The following MGAT4C variants were observed in gnomAD, a reference collection of about 807,000 sequenced individuals.
MGAT4C encodes the protein alpha-1,3-mannosyl-glycoprotein 4-beta-N-acetylglucosaminyltransferase C.
A neutral mutation model predicts 40.1 loss-of-function variants in MGAT4C; 19 were observed. The ratio of observed to expected loss-of-function variants is 0.47; its 90% CI spans 0.33 to 0.70. MGAT4C has a LOEUF of 0.70. MGAT4C is among the 30% of genes least tolerant of loss of function. MGAT4C has a pLI of 0.02. For synonymous variants in MGAT4C, 181 were observed against 187.1 expected, an observed-to-expected ratio of 0.97 and a Z score of 0.27; for missense variants, 491 against 563.2, an observed-to-expected ratio of 0.87 and a Z score of 1.30.
intron 1 of MGAT4C, among the ~76,000 whole-genome samples, chr12:86,222,838 C>A (rs1041028196): frequency 6.6e-6 from 1 of 152,128 alleles, no homozygotes; most frequent in African/African-American, 2.4e-5. Flanking sequence ...AGAAGAGAAG[C>A]AAGTCGATTG....
chr12:86,665,165 C>T (rs2136554684), intron 2 of MGAT4C, among the ~76,000 whole-genome samples: 1 of 151,802 alleles, frequency 6.6e-6, no homozygotes, highest in Non-Finnish European at 1.5e-5. Context: ...GCGAAGTTAA[C>T]AATAGGATCA....
chr12:86,298,457 T>C (rs1370722339), intron 4 of MGAT4C, among the ~76,000 whole-genome samples: 1 of 152,172 alleles, frequency 6.6e-6, no homozygotes, highest in African/African-American at 2.4e-5. Context: ...GCAACTTTTA[T>C]ATGTTCATAA....
intron 1 of MGAT4C, among the ~76,000 whole-genome samples, chr12:86,777,484 G>A (rs951932441): frequency 2.2e-4 from 34 of 152,228 alleles, no homozygotes; most frequent in Admixed American, 1.8e-3. Flanking sequence ...GTGTCCTGGC[G>A]TGGTCTCTGT....
intron 3 of MGAT4C, among the ~76,000 whole-genome samples, chr12:86,420,025 GT>G (rs1458777924): frequency 6.7e-6 from 1 of 149,970 alleles, no homozygotes; most frequent in African/African-American, 2.5e-5. Context: ...TTTTTTAAAA[GT>G]TAACCATTTT....
chr12:86,488,209 G>A (rs1436158420), intron 2 of MGAT4C, among the ~76,000 whole-genome samples: 1 of 149,708 alleles, frequency 6.7e-6, no homozygotes, highest in African/African-American at 2.5e-5. Context: ...TTGCCCAGGA[G>A]TTTGAGATCA....
At chr12:86,500,073 C>T (rs1465250281) in intron 2 of MGAT4C, among the ~76,000 whole-genome samples, 2 of 151,286 alleles carry the variant, frequency 1.3e-5, no homozygotes, top group Non-Finnish European at 2.9e-5. Context: ...TTACAGCCTT[C>T]AATGCATCGG....
intron 2 of MGAT4C, among the ~76,000 whole-genome samples, chr12:86,629,258 C>A (rs1204040433): frequency 6.6e-6 from 1 of 152,080 alleles, no homozygotes; most frequent in Admixed American, 6.6e-5. Flanking sequence ...ATAAAGCAGT[C>A]CTTAGAGACC....
chr12:86,134,067 A>C (rs1881613650), intron 1 of MGAT4C, among the ~76,000 whole-genome samples: 1 of 152,092 alleles, frequency 6.6e-6, no homozygotes, highest in Admixed American at 6.5e-5. Flanking sequence ...GCATATAATT[A>C]ATCACATTAT....
At chr12:86,838,430 G>A (rs1480805947) in intron 1 of MGAT4C, among the ~76,000 whole-genome samples, 3 of 152,078 alleles carry the variant, frequency 2.0e-5, no homozygotes, top group Non-Finnish European at 4.4e-5. Flanking sequence ...CCTGCAGCAC[G>A]GTTTTGTTGT....
At chr12:86,401,744 T>G (rs1021572779) in intron 3 of MGAT4C, among the ~76,000 whole-genome samples, 1 of 152,182 alleles carries the variant, frequency 6.6e-6, no homozygotes, top group Non-Finnish European at 1.5e-5. Flanking sequence ...ATAAAGTTTT[T>G]GGAAGATAAA....
In MGAT4C at chr12:86,595,790, A is replaced by C. The variant is rs376045775; in HGVS notation, c.-229+131419T>G. Among the ~76,000 whole-genome samples the C allele has an allele frequency of 1.9e-4, 29 of 152,318 alleles. 1 individual carries two copies. The highest frequency in any genetic ancestry group is 6.5e-4 in the African/African-American group (27 of 41,580). ...ACAAACATCCTTAAAATCAAATTCT[A>C]AATTAAGTTTCTGACTTAGACTTAT... On this transcript the variant is annotated intron_variant, in intron 2 of 7. Transcript: ENST00000548651.
chr12:86,473,852 T>C (rs959194954), intron 2 of MGAT4C, among the ~76,000 whole-genome samples: 2 of 152,150 alleles, frequency 1.3e-5, no homozygotes, highest in East Asian at 3.9e-4. Context: ...AGGTCAAATA[T>C]ACTTGAGACA....
At chr12:86,426,356 A>G (rs572950843) in intron 3 of MGAT4C, among the ~76,000 whole-genome samples, 1 of 152,342 alleles carries the variant, frequency 6.6e-6, no homozygotes, top group Non-Finnish European at 1.5e-5. Flanking sequence ...AGTGAACTAT[A>G]AGAGTAAAAT....
intron 2 of MGAT4C, among the ~76,000 whole-genome samples, chr12:86,666,108 A>G (rs1245871170): frequency 6.6e-6 from 1 of 152,192 alleles, no homozygotes; most frequent in African/African-American, 2.4e-5. Context: ...GCTTGATGCA[A>G]TTTTGATTAA....
chr12:86,294,363 CTTTTT>C (rs35353980), intron 4 of MGAT4C, among the ~76,000 whole-genome samples: 1 of 149,766 alleles, frequency 6.7e-6, no homozygotes, highest in Non-Finnish European at 1.5e-5. Context: ...ACTAAAACTC[CTTTTT>C]TTTTTTAATC....
Position 86,805,366 on chromosome 12 carries a change from C to T in MGAT4C, c.-262+33300G>A, listed in dbSNP as rs573979353. On this transcript the variant is annotated intron_variant, in intron 1 of 7. Transcript: ENST00000548651. ...TAGGTATTCAACCCCTGTTCCCTAC[C>T]CTCCTTAATCCCTCTAGTAGTCTCC... 2.6e-5 allele frequency among the ~76,000 whole-genome samples: 4 copies of T among 151,956 alleles called. No individual in the cohort carries two copies. In the South Asian group the frequency reaches 8.3e-4, roughly 32 times the overall value.
chr12:86,515,651 A>G (rs1323198805), intron 2 of MGAT4C, among the ~76,000 whole-genome samples: 1 of 152,170 alleles, frequency 6.6e-6, no homozygotes, highest in Non-Finnish European at 1.5e-5. Context: ...GTTAAGGAAG[A>G]CATAAAGAAA....
At chr12:86,466,835 C>T (rs1402085058) in intron 2 of MGAT4C, among the ~76,000 whole-genome samples, 1 of 152,050 alleles carries the variant, frequency 6.6e-6, no homozygotes, top group African/African-American at 2.4e-5. Flanking sequence ...TGCTGTTAAT[C>T]TAAAACATTT....
At chr12:86,744,012 T>C (rs1404193969) in intron 1 of MGAT4C, among the ~76,000 whole-genome samples, 1 of 151,576 alleles carries the variant, frequency 6.6e-6, no homozygotes, top group Non-Finnish European at 1.5e-5. Flanking sequence ...ACAAGGCATA[T>C]GGAAGCACCC....
Sources: gnomAD v4.1 joint callset for allele counts (sites outside exome capture counted in the v4.1 genomes callset) on GRCh38, gnomAD v4.1.1 for gene constraint, MANE v1.5 for transcripts, NCBI Gene and HGNC (gene_info 2026-07-23, HGNC 2026-07-21) for gene names.